Variants in GRM8 observed in about 807,000 individuals in gnomAD.
GRM8 encodes the protein glutamate metabotropic receptor 8, also known as metabotropic glutamate receptor 8.
A neutral mutation model predicts 87.2 loss-of-function variants in GRM8; 47 were observed. The observed-to-expected ratio is 0.54, with a 90% confidence interval of 0.43 to 0.69. GRM8 has a LOEUF of 0.69. Ranked by LOEUF, GRM8 falls within the 30% of genes least tolerant of loss-of-function variation. GRM8 has a pLI of 0.00. For missense variants in GRM8, 1,019 were observed against 1,139.2 expected, an observed-to-expected ratio of 0.89 and a Z score of 1.52; for synonymous variants, 396 against 404.5, an observed-to-expected ratio of 0.98 and a Z score of 0.25.
Position 127,106,637 on chromosome 7 carries a change from C to A in GRM8, c.586G>T (p.Val196Phe). ...TGGGCTTGGTAGGAGTCAGGCGGAA[C>A]CACTCGAGAGAAAAAGTCATACCTG... The part of the protein sequence containing the change: ...NTRYDFFSRV[V>F]PPDSYQAQAM... Residue 196 changes from valine (V) to phenylalanine (F), a missense_variant, in exon 3 of 11, where the codon GTT (valine) becomes TTT (phenylalanine). By Grantham distance (50) the Val-to-Phe change is conservative. Coordinates refer to ENST00000339582, the MANE Select transcript of GRM8 (RefSeq NM_000845.3). 5.6e-6 allele frequency: 9 copies of A among 1,613,962 alleles called. No homozygotes were observed. Among genetic ancestry groups the A allele is most frequent in the Non-Finnish European group, 6.8e-6 (8 of 1,179,914 alleles).
At chr7:126,830,252 C>T (rs1238368993) in intron 6 of GRM8, among the ~76,000 whole-genome samples, 1 of 152,154 alleles carries the variant, frequency 6.6e-6, no homozygotes, top group Non-Finnish European at 1.5e-5. Context: ...GTTGGCCTGC[C>T]TTGCTAGATT....
At chr7:127,076,259 G>T (rs928935677) in intron 3 of GRM8, 1 of 455,294 alleles carries the variant, frequency 2.2e-6, no homozygotes, top group Non-Finnish European at 4.4e-6. Flanking sequence ...AAAGAAAAAT[G>T]AGGCAAATAG....
intron 2 of GRM8, among the ~76,000 whole-genome samples, chr7:127,189,790 A>T (rs974159191): frequency 3.9e-5 from 6 of 152,162 alleles, no homozygotes; most frequent in Non-Finnish European, 7.4e-5. Flanking sequence ...GTCCCCTCAA[A>T]TTTATACTGT....
chr7:126,533,715 C>T lies in GRM8; in HGVS notation c.1667G>A (p.Cys556Tyr). 6.2e-7 allele frequency: 1 copy of T among 1,614,086 alleles called. No individual in the cohort carries two copies. ...YQVDELSCEL[C>Y]PLDQRPNMNR... ...CATGTTGGGTCTCTGATCCAGAGGG[C>T]AAAGTTCACAGGACAGCTCATCCAC... Residue 556 changes from cysteine (C) to tyrosine (Y), a missense_variant, in exon 9 of 11, where the codon TGC becomes TAC. Physicochemically the swap from Cys to Tyr is radical, Grantham distance 194. Transcript: ENST00000339582.
chr7:127,091,988 T>A (rs1824173390), intron 3 of GRM8, among the ~76,000 whole-genome samples: 1 of 34,016 alleles, frequency 2.9e-5, no homozygotes, highest in African/African-American at 1.3e-4. Context: ...CCACTGATCA[T>A]TCCCCGTCCC....
At chr7:126,764,779 T>C (rs961569175) in intron 7 of GRM8, among the ~76,000 whole-genome samples, 1 of 152,074 alleles carries the variant, frequency 6.6e-6, no homozygotes, top group Non-Finnish European at 1.5e-5. Flanking sequence ...ATACAAGGGT[T>C]TGCATTACAA....
chr7:126,675,224 G>A (rs894859306), intron 7 of GRM8, among the ~76,000 whole-genome samples: 4 of 151,870 alleles, frequency 2.6e-5, no homozygotes, highest in Non-Finnish European at 4.4e-5. Flanking sequence ...AACACACAGC[G>A]AGACTGAACC....
intron 3 of GRM8, among the ~76,000 whole-genome samples, chr7:126,941,258 G>A (rs1806888374): frequency 6.6e-6 from 1 of 152,028 alleles, no homozygotes; most frequent in Non-Finnish European, 1.5e-5. Flanking sequence ...ATAAAATCTT[G>A]CCATAATCAA....
chr7:127,015,031 G>GAAGAAA, intron 3 of GRM8, among the ~76,000 whole-genome samples: 1 of 118,504 alleles, frequency 8.4e-6, no homozygotes, highest in Non-Finnish European at 1.8e-5. Context: ...AGAAGAAGAA[G>GAAGAAA]AAGAAGAAGA....
chr7:126,473,646 G>A (rs1383249925), intron 9 of GRM8, among the ~76,000 whole-genome samples: 1 of 152,136 alleles, frequency 6.6e-6, no homozygotes, highest in African/African-American at 2.4e-5. Context: ...GAAATATGAG[G>A]ATATGAGATT....
chr7:126,700,851 T>A (rs1238948791), intron 7 of GRM8, among the ~76,000 whole-genome samples: 2 of 152,154 alleles, frequency 1.3e-5, no homozygotes, highest in East Asian at 3.9e-4. Flanking sequence ...TTTTGTCCTG[T>A]TCCCAAGATA....
intron 8 of GRM8, among the ~76,000 whole-genome samples, chr7:126,554,353 G>A (rs1029566906): frequency 1.6e-4 from 24 of 152,014 alleles, no homozygotes; most frequent in African/African-American, 5.5e-4. Flanking sequence ...GCTGAGGTGG[G>A]CAGACAGCTT....
At chr7:126,922,592 T>C (rs1160766469) in intron 3 of GRM8, among the ~76,000 whole-genome samples, 1 of 152,102 alleles carries the variant, frequency 6.6e-6, no homozygotes, top group Non-Finnish European at 1.5e-5. Context: ...ACAATATCGC[T>C]TGGGTAAAAT....
At chr7:126,900,120 T>A (rs1449137096) in intron 6 of GRM8, among the ~76,000 whole-genome samples, 2 of 152,160 alleles carry the variant, frequency 1.3e-5, no homozygotes, top group African/African-American at 4.8e-5. Flanking sequence ...CATCTCTGCT[T>A]TTGTCTTTAA....
intron 7 of GRM8, 80 bp from the exon 8 acceptor site, chr7:126,609,578 G>T: frequency 1.9e-6 from 2 of 1,044,742 alleles, no homozygotes; most frequent in Non-Finnish European, 2.8e-6. Context: ...AGAAGGAATG[G>T]TAGATAAAAA....
chr7:127,041,320 C>T (rs1316510741), intron 3 of GRM8, among the ~76,000 whole-genome samples: 1 of 152,110 alleles, frequency 6.6e-6, no homozygotes, highest in Non-Finnish European at 1.5e-5. Flanking sequence ...AATGCCGGTG[C>T]AGGGTAACGT....
intron 2 of GRM8, among the ~76,000 whole-genome samples, chr7:127,165,173 T>C (rs1793373896): frequency 1.5e-5 from 1 of 68,706 alleles, no homozygotes; most frequent in East Asian, 3.4e-4. Context: ...TATATATATA[T>C]ATATATATAT....
At chr7:126,839,918 ATTC>A (rs1796122221) in intron 6 of GRM8, among the ~76,000 whole-genome samples, 1 of 152,308 alleles carries the variant, frequency 6.6e-6, no homozygotes, top group South Asian at 2.1e-4. Context: ...GTACATACTT[ATTC>A]TTCAAGTTCT....
intron 7 of GRM8, among the ~76,000 whole-genome samples, chr7:126,746,053 T>C (rs1263429341): frequency 6.6e-6 from 1 of 151,804 alleles, no homozygotes; most frequent in Non-Finnish European, 1.5e-5. Flanking sequence ...AAGGGGCCAT[T>C]ATAAAATATT....
Sources: gnomAD v4.1 joint callset for allele counts (sites outside exome capture counted in the v4.1 genomes callset) on GRCh38, gnomAD v4.1.1 for gene constraint, MANE v1.5 for transcripts, NCBI Gene and HGNC (gene_info 2026-07-23, HGNC 2026-07-21) for gene names.